NOP56: variants seen among roughly 807,000 people sequenced by gnomAD.
The protein encoded by NOP56 is NOP56 ribonucleoprotein.
A neutral mutation model predicts 58.3 loss-of-function variants in NOP56; 31 were observed. The ratio of observed to expected loss-of-function variants is 0.53; its 90% CI spans 0.40 to 0.72. The LOEUF (loss-of-function observed/expected upper bound fraction) is 0.72, where lower values mean the gene tolerates loss of function less well. Ranked by LOEUF, NOP56 falls within the 30% of genes least tolerant of loss-of-function variation. The probability of loss-of-function intolerance (pLI) is 0.00; values close to 1 mark genes in which losing one functional copy is unlikely to be tolerated. For synonymous variants in NOP56, 313 were observed against 282.8 expected (o/e 1.11, Z -1.07); for missense variants, 669 against 739.9 (o/e 0.90, Z 1.11).
At chr20:2,654,360 T>TAA in intron 3 of NOP56, 54 bp from the exon 4 acceptor site, 1 of 1,599,582 alleles carries the variant, frequency 6.3e-7, no homozygotes, top group South Asian at 1.1e-5. Flanking sequence ...CTGAGGGATG[T>TAA]TAGAGTTGAT....
At chr20:2,656,717 G>C in intron 9 of NOP56, 57 bp from the exon 10 acceptor site, 1 of 1,613,924 alleles carries the variant, frequency 6.2e-7, no homozygotes, top group Non-Finnish European at 8.5e-7. Context: ...AGGGAACACA[G>C]GGTTGGGGTA....
At position 2,652,945 on chromosome 20, in the gene NOP56, G is replaced by C. The variant is rs769682497; in HGVS notation, c.93+14G>C. 1.0e-5 allele frequency: 16 copies of C among 1,583,360 alleles called. No individual in the cohort carries two copies. Among genetic ancestry groups the C allele is most frequent in the Non-Finnish European group, 1.2e-5 (14 of 1,162,286 alleles). ...CTGCAGCCGCAGGTGGGTGAGATCC[G>C]TGGGCTCCTTTGGCGGCCCCGCAGA... On this transcript the variant is annotated intron_variant, in intron 2 of 11. Coordinates refer to ENST00000329276, the MANE Select transcript of NOP56 (RefSeq NM_006392.4).
rs1468492083 is a variant in NOP56 at position 2,656,779 on chromosome 20, CCCA to C, written c.1167_1169del (p.Thr390del). ...TGTCACCCACACACATCCAGAGGTG[CCCA>C]CGAGTGTATTCGGGGAGAAGCTTCG... is the stretch of plus-strand genomic sequence containing the variant. On this transcript the variant is annotated inframe_deletion, in exon 10 of 12. Transcript: ENST00000329276. 15 of 1,614,002 alleles carry C rather than the reference CCCA, an allele frequency of 9.3e-6. No individual in the cohort carries two copies. Among genetic ancestry groups the C allele is most frequent in the African/African-American group, 2.7e-5 (2 of 74,890 alleles).
chr20:2,655,309 CTG>C lies in NOP56; in HGVS notation c.570-13_570-12del, dbSNP rs1237959076. 32 of 1,614,046 alleles carry C rather than the reference CTG, an allele frequency of 2.0e-5. No homozygotes were observed. The highest frequency in any genetic ancestry group is 3.3e-5 in the Admixed American group (2 of 60,002). On this transcript the variant is annotated splice_polypyrimidine_tract_variant and intron_variant, in intron 5 of 11. Coordinates refer to ENST00000329276, the MANE Select transcript of NOP56 (RefSeq NM_006392.4). ...ATGAAGCAGCTGGGCCAGGGAGTGA[CTG>C]TGGCTCTTTGCAGGGAGTGGTACGG...
intron 2 of NOP56, 72 bp downstream of exon 2, chr20:2,653,003 C>A: frequency 1.5e-6 from 2 of 1,376,538 alleles, no homozygotes; most frequent in Non-Finnish European, 2.0e-6. Flanking sequence ...ATGCACAGCG[C>A]GCTCCCACGT....
intron 11 of NOP56, 127 bp downstream of exon 11, chr20:2,657,345 C>T (rs1437382410): frequency 1.5e-6 from 2 of 1,299,138 alleles, no homozygotes; most frequent in Non-Finnish European, 2.2e-6. Flanking sequence ...GGACCTGAAA[C>T]ATCTAAAACT....
Position 2,656,553 on chromosome 20 carries a change from TG to T in NOP56, c.1159+7del, listed in dbSNP as rs757313684. The T allele has an allele frequency of 5.7e-6, 9 of 1,578,566 alleles. No homozygotes were observed. In the East Asian group the frequency reaches 2.1e-4, roughly 37 times the overall value. The stretch of plus-strand genomic sequence containing the variant: ...TCACGAATCGATTGCTTCTCTGGTA[TG>T]GGTGGGGGGGCGTTGGCAGGTGTGA... On this transcript the variant is annotated splice_donor_5th_base_variant and intron_variant, in intron 9 of 11. Coordinates refer to ENST00000329276, the MANE Select transcript of NOP56 (RefSeq NM_006392.4).
At chr20:2,654,371 C>T (rs767353309) in intron 3 of NOP56, 43 bp from the exon 4 acceptor site, 14 of 1,610,518 alleles carry the variant, frequency 8.7e-6, no homozygotes, top group East Asian at 4.5e-5. Context: ...TAGAGTTGAT[C>T]GTCCTTCAGC....
intron 2 of NOP56, 109 bp downstream of exon 2, chr20:2,653,040 G>A: frequency 4.0e-6 from 4 of 1,006,290 alleles, no homozygotes; most frequent in Admixed American, 2.6e-5. Context: ...CGGGGCGGGG[G>A]GACGGGCCTG....
At chr20:2,655,283 G>A (rs755080306) in intron 5 of NOP56, 42 bp from the exon 6 acceptor site, 1 of 1,612,018 alleles carries the variant, frequency 6.2e-7, no homozygotes, top group Non-Finnish European at 8.5e-7. Flanking sequence ...TATGGTTTTT[G>A]ATGAAGCAGC....
Position 2,656,906 on chromosome 20 carries a change from C to T in NOP56, c.1281+11C>T. 4 of 1,614,074 alleles carry T rather than the reference C, an allele frequency of 2.5e-6. No homozygotes were observed. The highest frequency in any genetic ancestry group is 1.1e-5 in the South Asian group (1 of 91,060). Reference sequence around the variant, plus strand: ...GAAGCAATGGTTCAGGTCAGTTGGGCTTTGCTGGGTGTGGAGTGGCATAGC... The same window carrying T: ...GAAGCAATGGTTCAGGTCAGTTGGGTTTTGCTGGGTGTGGAGTGGCATAGC... On this transcript the variant is annotated intron_variant, in intron 10 of 11. Coordinates refer to ENST00000329276, the MANE Select transcript of NOP56 (RefSeq NM_006392.4).
rs779374890 is a variant in NOP56, at chr20:2,652,825, C to T, written c.4-17C>T. The T allele has an allele frequency of 1.2e-6, 2 of 1,606,382 alleles. No homozygotes were observed. The highest frequency in any genetic ancestry group is 1.7e-6 in the Non-Finnish European group (2 of 1,177,136). On this transcript the variant is annotated splice_polypyrimidine_tract_variant and intron_variant, in intron 1 of 11. Transcript: ENST00000329276. The stretch of plus-strand genomic sequence containing the variant: ...GCTGAGGTTGCGTTGACGCTCGCGC[C>T]CCGGCTCCCGTTCCAGGTGCTGTTG...
rs1480528537 is a variant in NOP56 at position 2,657,198 on chromosome 20, A to G, written c.1399A>G (p.Ser467Gly). The change falls in exon 11 of 12, where the codon AGT (serine) becomes GGT (glycine). Residue 467 changes from serine (S) to glycine (G), a missense_variant. Coordinates refer to ENST00000329276, the MANE Select transcript of NOP56 (RefSeq NM_006392.4). Reference sequence around the variant, plus strand: ...CCTCGCGTCTTCAGAAAACAGCAGTAGTACTCCAGAGGAGTGTGAGGTCAG... The same window carrying G: ...CCTCGCGTCTTCAGAAAACAGCAGTGGTACTCCAGAGGAGTGTGAGGTCAG... Reference protein sequence around the residue: ...LALASSENSSSTPEECEEMSE... With the variant: ...LALASSENSSGTPEECEEMSE... The G allele has an allele frequency of 1.2e-6, 2 of 1,614,070 alleles. No individual in the cohort carries two copies. Among genetic ancestry groups the G allele is most frequent in the Admixed American group, 1.7e-5 (1 of 60,002 alleles).
rs771927589 is a variant in NOP56, at chr20:2,656,761, C to T, written c.1160-13C>T. ...CTTTGGGCTGACAGGCTTTGTCACCCACACACATCCAGAGGTGCCCACGAG... is the reference window on the plus strand; with the variant it reads ...CTTTGGGCTGACAGGCTTTGTCACCTACACACATCCAGAGGTGCCCACGAG... On this transcript the variant is annotated splice_polypyrimidine_tract_variant and intron_variant, in intron 9 of 11. Transcript: ENST00000329276. 11 of 1,614,114 alleles carry T rather than the reference C, an allele frequency of 6.8e-6. No individual in the cohort carries two copies. The highest frequency in any genetic ancestry group is 9.3e-6 in the Non-Finnish European group (11 of 1,180,014).
At position 2,654,512 on chromosome 20, in the gene NOP56, G is replaced by A. The variant is rs781343694; in HGVS notation, c.307G>A (p.Ala103Thr). The change falls in exon 4 of 12, where the codon GCA becomes ACA. Residue 103 changes from alanine (A) to threonine (T), a missense_variant. By Grantham distance (58) the Ala-to-Thr change is moderately conservative (BLOSUM62 0). Coordinates refer to ENST00000329276, the MANE Select transcript of NOP56 (RefSeq NM_006392.4). ...AGTTGGGGATCCCAAGATTGGTGCC[G>A]CAATACAGGAGGAGTTAGGGTACAA... ...LGVGDPKIGAAIQEELGYNCQ... is the reference protein window; with the variant it reads ...LGVGDPKIGATIQEELGYNCQ... The A allele has an allele frequency of 1.2e-5, 19 of 1,614,066 alleles. No homozygotes were observed. Among genetic ancestry groups the A allele is most frequent in the Middle Eastern group, 1.6e-4 (1 of 6,084 alleles).
chr20:2,656,486 GGCC>G lies in NOP56; in HGVS notation c.1099_1101del (p.Arg367del). 1 of 1,614,156 alleles carries G rather than the reference GGCC, an allele frequency of 6.2e-7. No homozygotes were observed. The highest frequency in any genetic ancestry group is 8.5e-7 in the Non-Finnish European group (1 of 1,180,026). On this transcript the variant is annotated inframe_deletion, in exon 9 of 12. Coordinates refer to ENST00000329276, the MANE Select transcript of NOP56 (RefSeq NM_006392.4). Reference sequence around the variant, plus strand: ...TGGCCGAGCAGCTGCCAAGAACAAAGGCCGCATCTCCCGATACCTGGCAAACAA... The same window carrying G: ...TGGCCGAGCAGCTGCCAAGAACAAAGGCATCTCCCGATACCTGGCAAACAA...
chr20:2,653,147 A>T, intron 2 of NOP56, 132 bp from the exon 3 acceptor site: 1 of 853,154 alleles, frequency 1.2e-6, no homozygotes, highest in Non-Finnish European at 1.9e-6. Flanking sequence ...CGAACGATTA[A>T]AGCAGAAGCT....
At chr20:2,655,275 T>C in intron 5 of NOP56, 50 bp from the exon 6 acceptor site, 1 of 1,607,534 alleles carries the variant, frequency 6.2e-7, no homozygotes, top group Non-Finnish European at 8.5e-7. Flanking sequence ...TGTAGCTCTA[T>C]GGTTTTTGAT....
In NOP56 at chr20:2,655,530, C is replaced by A; in HGVS notation, c.757+18C>A. 1 of 1,614,070 alleles carries A rather than the reference C, an allele frequency of 6.2e-7. No homozygotes were observed. The highest frequency in any genetic ancestry group is 1.1e-5 in the South Asian group (1 of 91,078). On this transcript the variant is annotated intron_variant, in intron 6 of 11. Transcript: ENST00000329276. The stretch of plus-strand genomic sequence containing the variant: ...CTCCATGGGTCAGTGCAGAGCCTGG[C>A]AACCTGCATAAGGTATGGGGCTCTA...
Sources: gnomAD v4.1 joint callset for allele counts on GRCh38, gnomAD v4.1.1 for gene constraint, MANE v1.5 for transcripts, NCBI Gene and HGNC (gene_info 2026-07-23, HGNC 2026-07-21) for gene names.